The following PLCB1 variants were observed in gnomAD, a reference collection of about 807,000 sequenced individuals.
The protein encoded by PLCB1 is 1-phosphatidylinositol 4,5-bisphosphate phosphodiesterase beta-1.
A neutral mutation model predicts 161.8 loss-of-function variants in PLCB1; 46 were observed. The observed-to-expected ratio is 0.28, with a 90% CI of 0.22 to 0.36. The LOEUF (loss-of-function observed/expected upper bound fraction) is 0.36. Ranked by LOEUF, PLCB1 falls within the 10% of genes least tolerant of loss-of-function variation. PLCB1 has a pLI of 1.00. For missense variants in PLCB1, 1,016 were observed against 1,472.5 expected (o/e 0.69, Z 5.07); for synonymous variants, 517 against 503.7 (o/e 1.03, Z -0.35).
chr20:8,579,414 C>T (rs1394999843), intron 3 of PLCB1, among the ~76,000 whole-genome samples: 1 of 152,190 alleles, frequency 6.6e-6, no homozygotes, highest in Non-Finnish European at 1.5e-5. Context: ...TCAGTCAAGG[C>T]AAGCACGACC....
At chr20:8,805,491 C>G (rs762068483) in intron 31 of PLCB1, among the ~76,000 whole-genome samples, 1 of 152,110 alleles carries the variant, frequency 6.6e-6, no homozygotes, top group Admixed American at 6.5e-5. Flanking sequence ...AAACATAGTT[C>G]CTACATGCTT....
intron 12 of PLCB1, among the ~76,000 whole-genome samples, chr20:8,712,247 A>T (rs1261943079): frequency 6.6e-6 from 1 of 152,120 alleles, no homozygotes; most frequent in Non-Finnish European, 1.5e-5. Flanking sequence ...GTGAGCTGAG[A>T]TCACGCCACT....
chr20:8,662,848 A>T (rs1989719217), intron 9 of PLCB1, among the ~76,000 whole-genome samples: 1 of 151,890 alleles, frequency 6.6e-6, no homozygotes, highest in Non-Finnish European at 1.5e-5. Context: ...CATGGAAGAG[A>T]TAACATTTGG....
At chr20:8,666,555 A>G (rs1268111382) in intron 9 of PLCB1, among the ~76,000 whole-genome samples, 1 of 152,184 alleles carries the variant, frequency 6.6e-6, no homozygotes, top group Non-Finnish European at 1.5e-5. Flanking sequence ...GGACTTAGCC[A>G]TTTAGCTTAG....
chr20:8,408,087 T>C (rs1383690423), intron 3 of PLCB1, among the ~76,000 whole-genome samples: 147 of 152,108 alleles, frequency 9.7e-4, no homozygotes, highest in Non-Finnish European at 1.0e-4. Context: ...TGGACATTAG[T>C]TTTTTAAAAA....
chr20:8,863,020 A>C (rs1422980245), intron 31 of PLCB1, among the ~76,000 whole-genome samples: 1 of 152,178 alleles, frequency 6.6e-6, no homozygotes, highest in Non-Finnish European at 1.5e-5. Flanking sequence ...CATGTAGACT[A>C]TGCACCTTAG....
chr20:8,664,749 T>TC (rs2123343927), intron 9 of PLCB1, among the ~76,000 whole-genome samples: 1 of 152,304 alleles, frequency 6.6e-6, no homozygotes, highest in African/African-American at 2.4e-5. Context: ...TTGTCTTTTT[T>TC]CATCTCTCAT....
chr20:8,851,297 C>G (rs1020992663), intron 31 of PLCB1, among the ~76,000 whole-genome samples: 1 of 152,218 alleles, frequency 6.6e-6, no homozygotes, highest in Non-Finnish European at 1.5e-5. Flanking sequence ...TTCTTTACCT[C>G]TCTTCCTCCT....
chr20:8,708,527 C>G, intron 11 of PLCB1, 143 bp from the exon 12 acceptor site: 1 of 598,208 alleles, frequency 1.7e-6, no homozygotes, highest in Non-Finnish European at 3.0e-6. Flanking sequence ...CAGCAGCCCT[C>G]AAAATCCCTT....
chr20:8,501,645 C>T (rs552096507), intron 3 of PLCB1, among the ~76,000 whole-genome samples: 1 of 152,218 alleles, frequency 6.6e-6, no homozygotes, highest in African/African-American at 2.4e-5. Flanking sequence ...TATGATTAAT[C>T]CCACACAATA....
chr20:8,304,408 C>A (rs1391813801), intron 2 of PLCB1, among the ~76,000 whole-genome samples: 2 of 151,986 alleles, frequency 1.3e-5, no homozygotes, highest in Middle Eastern at 3.2e-3. Context: ...CATCTCTGAG[C>A]AGCTCAGCCA....
chr20:8,446,619 G>A (rs546357725), intron 3 of PLCB1, among the ~76,000 whole-genome samples: 215 of 152,260 alleles, frequency 1.4e-3, no homozygotes, highest in Non-Finnish European at 2.4e-3. Flanking sequence ...GAGTCAAATC[G>A]TCCCTGTTTG....
rs372255406 is a variant in PLCB1 at position 8,231,014 on chromosome 20, C to G, written c.177+80643C>G. Among the ~76,000 whole-genome samples the G allele has an allele frequency of 7.2e-5, 11 of 152,194 alleles. 1 individual carries two copies. The South Asian group carries it at 1.0e-3, about 14-fold the overall frequency. On this transcript the variant is annotated intron_variant, in intron 2 of 31. Coordinates refer to ENST00000338037, the MANE Select transcript of PLCB1 (RefSeq NM_015192.4). ...ACCTTGACCACTATTTTTCCATTCC[C>G]TTCTTTCCATTCACCTCTCCATAAT... is the stretch of plus-strand genomic sequence containing the variant.
chr20:8,802,857 C>T (rs8123393), intron 31 of PLCB1, among the ~76,000 whole-genome samples: 5 of 152,202 alleles, frequency 3.3e-5, no homozygotes, highest in East Asian at 3.9e-4. Context: ...AGATGCATCA[C>T]GAAAACTATT....
At chr20:8,383,964 C>T (rs1987342125) in intron 3 of PLCB1, among the ~76,000 whole-genome samples, 1 of 152,080 alleles carries the variant, frequency 6.6e-6, no homozygotes, top group African/African-American at 2.4e-5. Flanking sequence ...TTTTTTCCTA[C>T]ATTTTGACCT....
At chr20:8,629,966 C>T (rs779171109) in intron 4 of PLCB1, among the ~76,000 whole-genome samples, 3,855 of 14,772 alleles carry the variant, frequency 0.26, 113 homozygotes, top group African/African-American at 0.39. Context: ...TTTCTTTCTT[C>T]TTTCTTTCTT....
chr20:8,296,876 A>G (rs907132686), intron 2 of PLCB1, among the ~76,000 whole-genome samples: 2 of 152,178 alleles, frequency 1.3e-5, no homozygotes, highest in African/African-American at 2.4e-5. Flanking sequence ...TGAAATGACC[A>G]TATGTTTGAG....
At position 8,220,277 on chromosome 20, in the gene PLCB1, A is replaced by T. The variant is rs150692811; in HGVS notation, c.177+69906A>T. Among the ~76,000 whole-genome samples, 378 of 152,296 alleles carry T rather than the reference A, an allele frequency of 2.5e-3. 1 individual carries two copies. Among genetic ancestry groups the T allele is most frequent in the African/African-American group, 8.8e-3 (364 of 41,556 alleles). ...ATTTGAAATCCACAAAGTGCTAATC[A>T]AATACAGGTGTACTAAATTCCACAA... On this transcript the variant is annotated intron_variant, in intron 2 of 31. Coordinates refer to ENST00000338037, the MANE Select transcript of PLCB1 (RefSeq NM_015192.4).
At chr20:8,285,302 A>G (rs1240781341) in intron 2 of PLCB1, among the ~76,000 whole-genome samples, 2 of 150,140 alleles carry the variant, frequency 1.3e-5, no homozygotes, top group East Asian at 3.9e-4. Context: ...ATCTATATAC[A>G]TATACATCAC....
Sources: allele counts gnomAD v4.1 joint callset (sites outside exome capture counted in the v4.1 genomes callset), GRCh38; gene constraint gnomAD v4.1.1; transcripts MANE v1.5; gene names NCBI Gene and HGNC (gene_info 2026-07-23, HGNC 2026-07-21).